The following UNC13B variants were observed in gnomAD, a reference collection of about 807,000 sequenced individuals.
The protein encoded by UNC13B is protein unc-13 homolog B.
Under a neutral mutation model 211.0 loss-of-function variants are expected in UNC13B, and 144 were observed. The observed-to-expected ratio is 0.68, with a 90% confidence interval of 0.60 to 0.78. The LOEUF (loss-of-function observed/expected upper bound fraction) is 0.78, where lower values mean the gene tolerates loss of function less well. Ranked by LOEUF, UNC13B falls within the 30% of genes least tolerant of loss-of-function variation. The probability of loss-of-function intolerance (pLI) is 0.00; values close to 1 mark genes in which losing one functional copy is unlikely to be tolerated. For synonymous variants in UNC13B, 709 were observed against 725.8 expected (o/e 0.98, Z 0.37); for missense variants, 1,777 against 2,002.0 (o/e 0.89, Z 2.14).
intron 7 of UNC13B, among the ~76,000 whole-genome samples, chr9:35,259,998 C>CTG (rs1827169709): frequency 8.3e-6 from 1 of 120,062 alleles, no homozygotes; most frequent in Admixed American, 1.2e-4. Flanking sequence ...GCCCAGGAGT[C>CTG]TGAGACCAGT....
rs201901981 is a variant in UNC13B at position 35,403,181 on chromosome 9, G to A, written c.12499G>A (p.Asp4167Asn). ...SQTTQGSGVD[D>N]PVGEVSIQVD... ...TTGTCCCTCAGGGTCTGGTGTGGAC[G>A]ATCCTGTGGGAGAAGTCTCTATTCA... Residue 4167 changes from aspartate (D) to asparagine (N), a missense_variant, in exon 38 of 40, where the codon GAT (aspartate) becomes AAT (asparagine). Coordinates refer to ENST00000635942, the MANE Select transcript of UNC13B (RefSeq NM_001371189.2). The A allele has an allele frequency of 4.3e-5, 69 of 1,614,054 alleles. 1 individual carries two copies. The highest frequency in any genetic ancestry group is 1.9e-4 in the South Asian group (17 of 91,046).
chr9:35,256,056 T>C (rs527742548), intron 6 of UNC13B, among the ~76,000 whole-genome samples: 23 of 152,342 alleles, frequency 1.5e-4, no homozygotes, highest in Admixed American at 1.4e-3. Context: ...TCCTTAGTTA[T>C]GATTTTTGCA....
At chr9:35,299,067 A>G (rs1829542540) in intron 8 of UNC13B, among the ~76,000 whole-genome samples, 1 of 152,276 alleles carries the variant, frequency 6.6e-6, no homozygotes, top group East Asian at 1.9e-4. Context: ...ACCCACCTCT[A>G]CTAAAAATAC....
intron 2 of UNC13B, among the ~76,000 whole-genome samples, chr9:35,229,518 AC>A (rs1256867824): frequency 6.6e-6 from 1 of 151,758 alleles, no homozygotes; most frequent in Admixed American, 6.6e-5. Context: ...TTATCTTTTT[AC>A]CCTATTTAAA....
chr9:35,248,502 A>G (rs1444308476), intron 6 of UNC13B, among the ~76,000 whole-genome samples: 1 of 151,346 alleles, frequency 6.6e-6, no homozygotes, highest in Non-Finnish European at 1.5e-5. Flanking sequence ...TAGTGCTATA[A>G]ATTTCCCTCT....
intron 5 of UNC13B, among the ~76,000 whole-genome samples, chr9:35,240,786 T>C (rs1334902101): frequency 6.6e-6 from 1 of 152,140 alleles, no homozygotes; most frequent in Non-Finnish European, 1.5e-5. Context: ...CCTGGCATGG[T>C]GGCTCACACC....
chr9:35,331,543 A>G (rs969803933), intron 11 of UNC13B, among the ~76,000 whole-genome samples: 2 of 152,202 alleles, frequency 1.3e-5, no homozygotes, highest in Non-Finnish European at 2.9e-5. Flanking sequence ...CACTGTGCCC[A>G]GCACTTTTTC....
chr9:35,278,879 C>T (rs951331518), intron 7 of UNC13B, among the ~76,000 whole-genome samples: 6 of 152,118 alleles, frequency 3.9e-5, no homozygotes, highest in African/African-American at 1.4e-4. Context: ...CTGTGGATTT[C>T]TCTAGAAAGA....
At position 35,404,353 on chromosome 9, in the gene UNC13B, C is replaced by A. The variant is rs571747381; in HGVS notation, c.*320C>A. On this transcript the variant is annotated 3_prime_UTR_variant, in exon 40 of 40. Transcript: ENST00000635942. ...AGACACCTCTCCACTCCTCATCCCA[C>A]CTCTACCCATCTCCATGCCACACCT... 100 of 366,556 alleles carry A rather than the reference C, an allele frequency of 2.7e-4. 1 individual carries two copies. In the Admixed American group the frequency reaches 3.5e-3, roughly 13 times the overall value. The allele number at this position is 366,556 out of a possible 1,614,324, so 22.7% of individuals were successfully genotyped here.
rs1237011324 is a variant in UNC13B at position 35,219,727 on chromosome 9, A to G, written c.23-8288A>G. Among the ~76,000 whole-genome samples the G allele has an allele frequency of 2.6e-5, 4 of 152,186 alleles. 1 individual carries two copies. The highest frequency in any genetic ancestry group is 5.9e-5 in the Non-Finnish European group (4 of 68,030). ...CCCATGTAGTTGCCACCTTAATTTA[A>G]CAAATGTTAATGATTTGTTACATTA... On this transcript the variant is annotated intron_variant, in intron 1 of 39. Coordinates refer to ENST00000635942, the MANE Select transcript of UNC13B (RefSeq NM_001371189.2).
intron 33 of UNC13B, 33 bp from the exon 34 acceptor site, chr9:35,399,128 C>A: frequency 6.2e-7 from 1 of 1,614,182 alleles, no homozygotes; most frequent in Non-Finnish European, 8.5e-7. Context: ...CTCAAACTCT[C>A]ACCCTGGTCT....
At chr9:35,167,835 C>A (rs1163153137) in intron 1 of UNC13B, among the ~76,000 whole-genome samples, 1 of 148,926 alleles carries the variant, frequency 6.7e-6, no homozygotes, top group Non-Finnish European at 1.5e-5. Context: ...GAACTCCTGA[C>A]CTTGTGATCT....
intron 1 of UNC13B, among the ~76,000 whole-genome samples, chr9:35,165,129 G>A (rs1269307890): frequency 6.6e-6 from 1 of 152,202 alleles, no homozygotes; most frequent in African/African-American, 2.4e-5. Flanking sequence ...AGATTTAAGA[G>A]GAAGAGGATC....
chr9:35,200,345 T>C (rs1823209388), intron 1 of UNC13B, among the ~76,000 whole-genome samples: 1 of 152,224 alleles, frequency 6.6e-6, no homozygotes, highest in Admixed American at 6.5e-5. Flanking sequence ...ATATGAACTT[T>C]AAAGTAGTTT....
At chr9:35,318,351 G>A (rs893826332) in intron 11 of UNC13B, among the ~76,000 whole-genome samples, 7 of 152,162 alleles carry the variant, frequency 4.6e-5, no homozygotes, top group Admixed American at 3.9e-4. Context: ...TTATGTGAGA[G>A]AAAGAAGTTA....
Position 35,300,905 on chromosome 9 carries a change from G to A in UNC13B, c.1501G>A (p.Ala501Thr). 1 of 398,964 alleles carries A rather than the reference G, an allele frequency of 2.5e-6. No homozygotes were observed. The highest frequency in any genetic ancestry group is 3.6e-5 in the East Asian group (1 of 28,070). The allele number at this position is 398,964 out of a possible 1,614,324, so 24.7% of individuals were successfully genotyped here. A position where few individuals can be genotyped will look rare whatever the true frequency, so the allele number is the denominator to read the frequency against. ...ACATAAACAAAATAGTACTCTTGAT[G>A]CAGAACAGAGAACGCCTGGGGATCA... Reference protein sequence around the residue: ...KSHKQNSTLDAEQRTPGDQIP... With the variant: ...KSHKQNSTLDTEQRTPGDQIP... Residue 501 changes from alanine (A) to threonine (T), a missense_variant, in exon 9 of 40, where the codon GCA becomes ACA. Transcript: ENST00000635942.
At chr9:35,296,008 C>A in intron 8 of UNC13B, 78 bp downstream of exon 8, 1 of 1,367,210 alleles carries the variant, frequency 7.3e-7, no homozygotes. Context: ...AATTTGGATG[C>A]TTTAACCTGA....
rs958593080 is a variant in UNC13B at position 35,348,477 on chromosome 9, A to G, written c.9415-18470A>G. 1.3e-3 allele frequency among the ~76,000 whole-genome samples: 199 copies of G among 152,194 alleles called. 1 individual carries two copies. Among genetic ancestry groups the G allele is most frequent in the Non-Finnish European group, 1.8e-4 (12 of 68,040 alleles). ...GAAAGCAGGACTAACTTTAAGGGTG[A>G]CAGTCTCCTCGTAGGATTCCAGGCA... On this transcript the variant is annotated intron_variant, in intron 11 of 39. Coordinates refer to ENST00000635942, the MANE Select transcript of UNC13B (RefSeq NM_001371189.2).
intron 1 of UNC13B, among the ~76,000 whole-genome samples, chr9:35,168,916 G>T (rs749001473): frequency 9.9e-5 from 15 of 152,006 alleles, no homozygotes; most frequent in Non-Finnish European, 1.5e-4. Context: ...CAAGCAATCT[G>T]CCTGTCTCAG....
Sources: allele counts gnomAD v4.1 joint callset (sites outside exome capture counted in the v4.1 genomes callset), GRCh38; gene constraint gnomAD v4.1.1; transcripts MANE v1.5; gene names NCBI Gene and HGNC (gene_info 2026-07-23, HGNC 2026-07-21).